Variants in PLXNB2 observed in about 807,000 individuals in gnomAD.
PLXNB2 encodes plexin B2.
Under a neutral mutation model 202.6 loss-of-function variants are expected in PLXNB2, and 85 were observed. The ratio of observed to expected loss-of-function variants is 0.42; its 90% CI spans 0.35 to 0.50. PLXNB2 has a LOEUF of 0.50. Among genes scored for constraint, PLXNB2 ranks in the 20% least tolerant of loss-of-function variants. PLXNB2 has a pLI of 0.02. For missense variants in PLXNB2, 2,063 were observed against 2,586.2 expected (o/e 0.80, Z 4.39); for synonymous variants, 1,239 against 1,137.6 (o/e 1.09, Z -1.79).
intron 1 of PLXNB2, among the ~76,000 whole-genome samples, chr22:50,302,523 G>C (rs1013486227): frequency 6.6e-6 from 1 of 152,064 alleles, no homozygotes; most frequent in Admixed American, 6.5e-5. Context: ...TGTGGAACTG[G>C]GGGACCCTCC....
At position 50,280,930 on chromosome 22, in the gene PLXNB2, C is replaced by T. The variant is rs1324010303; in HGVS notation, c.3807G>A (p.Glu1269=). 2.5e-6 allele frequency: 4 copies of T among 1,613,460 alleles called. No homozygotes were observed. Among genetic ancestry groups the T allele is most frequent in the South Asian group, 1.1e-5 (1 of 91,082 alleles). Residue 1269 remains glutamate, a synonymous_variant, in exon 24 of 37, where the codon GAG becomes GAA. Coordinates refer to ENST00000359337, the MANE Select transcript of PLXNB2 (RefSeq NM_012401.4). ...EMEDQTNDVH[E]AGIPVLDYKT... ...TGTAGTCCAGCACGGGGATGCCGGC[C>T]TCGTGCACGTCGTTGGTCTGGTCCT...
chr22:50,292,603 C>T (rs981312021), intron 2 of PLXNB2, among the ~76,000 whole-genome samples: 1 of 152,168 alleles, frequency 6.6e-6, no homozygotes, highest in Non-Finnish European at 1.5e-5. Flanking sequence ...CCCCCAAACC[C>T]CCTGGCCTCT....
chr22:50,282,483 G>T, intron 18 of PLXNB2, 170 bp from the exon 19 acceptor site: 1 of 752,484 alleles, frequency 1.3e-6, no homozygotes, highest in Non-Finnish European at 2.1e-6. Context: ...ACGAGACTGT[G>T]CCGCAAGTGG....
At chr22:50,296,490 C>T (rs753246637) in intron 1 of PLXNB2, among the ~76,000 whole-genome samples, 4 of 149,476 alleles carry the variant, frequency 2.7e-5, no homozygotes, top group Non-Finnish European at 1.5e-5. Flanking sequence ...CCTGTAATCC[C>T]AGCACTTTGG....
chr22:50,279,798 G>A (rs1555918398), intron 26 of PLXNB2, 22 bp from the exon 27 acceptor site: 2 of 1,613,360 alleles, frequency 1.2e-6, no homozygotes, highest in Middle Eastern at 1.7e-4. Context: ...CGGAGGGGAG[G>A]CTGGGAGGTC....
intron 2 of PLXNB2, 28 bp from the exon 3 acceptor site, chr22:50,290,625 G>GC (rs2066799364): frequency 6.6e-7 from 1 of 1,523,752 alleles, no homozygotes; most frequent in Non-Finnish European, 8.8e-7. Flanking sequence ...GGTCAGGGGA[G>GC]CCCCGACCCA....
intron 26 of PLXNB2, 39 bp downstream of exon 26, chr22:50,279,961 CTGCCT>C: frequency 6.7e-7 from 1 of 1,503,524 alleles, no homozygotes; most frequent in Non-Finnish European, 9.1e-7. Flanking sequence ...TGGCAGCAGT[CTGCCT>C]CATCCCTCAA....
rs907352158 is a variant in PLXNB2 at position 50,291,020 on chromosome 22, G to C, written c.-13-423C>G. 6.6e-6 allele frequency among the ~76,000 whole-genome samples: 1 copy of C among 152,202 alleles called. No individual in the cohort carries two copies. Among genetic ancestry groups the C allele is most frequent in the Non-Finnish European group, 1.5e-5 (1 of 68,030 alleles). ...CGGCCCCAGCGCACAGGCTCAGGCT[G>C]ACAGACAGACCCCTGGACGTTGGAA... On this transcript the variant is annotated intron_variant, in intron 2 of 36. Coordinates refer to ENST00000359337, the MANE Select transcript of PLXNB2 (RefSeq NM_012401.4). This position sits in a 1 kb window ranked among gnomAD's most constrained non-coding sequence, Gnocchi z 4.3.
Position 50,290,208 on chromosome 22 carries a change from C to G in PLXNB2, c.377G>C (p.Ser126Thr). The G allele has an allele frequency of 6.2e-7, 1 of 1,612,418 alleles. No individual in the cohort carries two copies. Among genetic ancestry groups the G allele is most frequent in the South Asian group, 1.1e-5 (1 of 91,088 alleles). ...GTAGAACAGGCGGAGGGAGATGTTG[C>G]TCAGGGCGCGCAGAGCGCAGATGCC... ...FKGICALRAL[S>T]NISLRLFYED... Residue 126 changes from serine to threonine, a missense_variant, in exon 3 of 37, where the codon AGC (serine) becomes ACC (threonine). Coordinates refer to ENST00000359337, the MANE Select transcript of PLXNB2 (RefSeq NM_012401.4).
rs2066258115 is a variant in PLXNB2, at chr22:50,284,323, G to A, written c.2182-110C>T. On this transcript the variant is annotated intron_variant, in intron 12 of 36. Coordinates refer to ENST00000359337, the MANE Select transcript of PLXNB2 (RefSeq NM_012401.4). The surrounding 1 kb of genome is among the most constrained non-coding windows in gnomAD (Gnocchi z 8.0). ...CCACCGGGTCCCTTCCCAGCCAAGG[G>A]CAGCAGGGGAGGCCTTCAGGTGTCG... is the stretch of plus-strand genomic sequence containing the variant. 9.4e-7 allele frequency: 1 copy of A among 1,061,816 alleles called. No individual in the cohort carries two copies. Among genetic ancestry groups the A allele is most frequent in the Non-Finnish European group, 1.4e-6 (1 of 692,410 alleles). 65.8% of individuals were successfully genotyped at this position (1,061,816 alleles called of 1,614,324 possible). A position where few individuals can be genotyped will look rare whatever the true frequency, so the allele number is the denominator to read the frequency against.
At chr22:50,280,107 C>G (rs765386001) in intron 25 of PLXNB2, 36 bp from the exon 26 acceptor site, 2 of 1,521,540 alleles carry the variant, frequency 1.3e-6, no homozygotes, top group Admixed American at 4.0e-5. Context: ...CGAGTGACCC[C>G]GTAGTATTCC....
chr22:50,307,387 T>C (rs1270335756), intron 1 of PLXNB2, among the ~76,000 whole-genome samples, 166 bp downstream of exon 1: 1 of 150,478 alleles, frequency 6.6e-6, no homozygotes, highest in Non-Finnish European at 1.5e-5. Context: ...CCTCGCCGGA[T>C]GGACCGACGG....
rs756696997 is a variant in PLXNB2, at chr22:50,281,567, A to G, written c.3521T>C (p.Ile1174Thr). 100 of 1,610,602 alleles carry G rather than the reference A, an allele frequency of 6.2e-5. No individual in the cohort carries two copies. Among genetic ancestry groups the G allele is most frequent in the Non-Finnish European group, 8.2e-5 (97 of 1,178,650 alleles). Residue 1174 changes from isoleucine to threonine, a missense_variant and splice_region_variant, in exon 21 of 37, where the codon ATT becomes ACT. Ile to Thr is a moderately conservative substitution (Grantham distance 89). This residue lies in a region of PLXNB2 where 760 missense variants were observed against 1,109.4 expected (regional missense o/e 0.69). Coordinates refer to ENST00000359337, the MANE Select transcript of PLXNB2 (RefSeq NM_012401.4). Reference sequence around the variant, plus strand: ...CCCCGCCAGTCCCCGCTCACGCACAATGAACTCGGGCAGGTTGTGTGTGGT... The same window carrying G: ...CCCCGCCAGTCCCCGCTCACGCACAGTGAACTCGGGCAGGTTGTGTGTGGT... ...RDTTHNLPEF[I>T]VKFGSREWVL...
At chr22:50,303,889 A>G (rs753236916) in intron 1 of PLXNB2, among the ~76,000 whole-genome samples, 1 of 152,174 alleles carries the variant, frequency 6.6e-6, no homozygotes, top group Non-Finnish European at 1.5e-5. Context: ...ATGAGGAACT[A>G]TTGGCTTTCA....
Position 50,286,085 on chromosome 22 carries a change from C to A in PLXNB2, c.1891G>T (p.Val631Leu), listed in dbSNP as rs1161549412. Reference sequence around the variant, plus strand: ...CACTGGCAGGTCCAGCGGTTGCTCACGCAGGAGATGCACCTGCATCCAGAG... The same window carrying A: ...CACTGGCAGGTCCAGCGGTTGCTCAAGCAGGAGATGCACCTGCATCCAGAG... ...LEENLPCISCVSNRWTCQWDL... is the reference protein window; with the variant it reads ...LEENLPCISCLSNRWTCQWDL... The change falls in exon 10 of 37, where the codon GTG becomes TTG. Residue 631 changes from valine (V) to leucine (L), a missense_variant. This residue lies in a region of PLXNB2 where 1,303 missense variants were observed against 1,476.8 expected (regional missense o/e 0.88). Coordinates refer to ENST00000359337, the MANE Select transcript of PLXNB2 (RefSeq NM_012401.4). The A allele has an allele frequency of 6.2e-7, 1 of 1,612,060 alleles. No individual in the cohort carries two copies. The highest frequency in any genetic ancestry group is 2.2e-5 in the East Asian group (1 of 44,874).
intron 2 of PLXNB2, among the ~76,000 whole-genome samples, chr22:50,292,275 T>C (rs1380278851): frequency 6.8e-6 from 1 of 146,118 alleles, no homozygotes; most frequent in Non-Finnish European, 1.5e-5. Flanking sequence ...GAGGCGGAGG[T>C]TGCAGCGAGC....
In PLXNB2 at chr22:50,287,785, C is replaced by T. The variant is rs779460198; in HGVS notation, c.1490G>A (p.Arg497Gln). 2.1e-5 allele frequency: 33 copies of T among 1,591,506 alleles called. No individual in the cohort carries two copies. Among genetic ancestry groups the T allele is most frequent in the East Asian group, 4.5e-5 (2 of 44,382 alleles). ...CTCGGCCCGCGGACACTCGGCCTTC[C>T]GGGTGCATCTGCAGGCGCAGGGGGC... ...GWCVVEGRCT[R>Q]KAECPRAEEA... is the part of the protein sequence containing the mutation. The change falls in exon 7 of 37, where the codon CGG becomes CAG. Residue 497 changes from arginine to glutamine, a missense_variant. By Grantham distance (43) the Arg-to-Gln change is conservative. This residue lies in a region of PLXNB2 where 1,303 missense variants were observed against 1,476.8 expected (regional missense o/e 0.88). Transcript: ENST00000359337.
rs756620271 is a variant in PLXNB2 at position 50,286,307 on chromosome 22, A to G, written c.1763-20T>C. The G allele has an allele frequency of 8.3e-6, 13 of 1,568,046 alleles. No homozygotes were observed. The highest frequency in any genetic ancestry group is 1.7e-5 in the Admixed American group (1 of 59,920). On this transcript the variant is annotated intron_variant, in intron 8 of 36. Transcript: ENST00000359337. ...CGTGGTCTGCAGACAGCAGAGGGGG[A>G]GGTGTCAAGGTGGCGGCCGCAGGGC...
At chr22:50,279,530 A>C in intron 27 of PLXNB2, 100 bp downstream of exon 27, 2 of 1,153,642 alleles carry the variant, frequency 1.7e-6, no homozygotes. Context: ...GAGGAGGTGG[A>C]CGGCCTCTGG....
Sources: allele counts gnomAD v4.1 joint callset (sites outside exome capture counted in the v4.1 genomes callset), GRCh38; gene constraint gnomAD v4.1.1; regional missense constraint gnomAD v4.1.1; non-coding constraint Gnocchi (gnomAD v3.1); transcripts MANE v1.5; gene names NCBI Gene and HGNC (gene_info 2026-07-23, HGNC 2026-07-21).